The following NDRG3 variants were observed in gnomAD, a reference collection of about 807,000 sequenced individuals.
NDRG3 encodes NDRG family member 3.
Under a neutral mutation model 57.2 loss-of-function variants are expected in NDRG3, and 23 were observed. The ratio of observed to expected loss-of-function variants is 0.40; its 90% CI spans 0.29 to 0.57. NDRG3 has a LOEUF of 0.57. Ranked by LOEUF, NDRG3 falls within the 20% of genes least tolerant of loss-of-function variation. The pLI is 0.42. For synonymous variants in NDRG3, 132 were observed against 162.6 expected (o/e 0.81, Z 1.43); for missense variants, 384 against 457.3 (o/e 0.84, Z 1.46).
intron 13 of NDRG3, among the ~76,000 whole-genome samples, chr20:36,658,961 T>G (rs1021693682): frequency 1.1e-4 from 16 of 151,848 alleles, no homozygotes; most frequent in African/African-American, 3.1e-4. Flanking sequence ...GAAGTTTTTT[T>G]TTTTTTTTTT....
intron 15 of NDRG3, among the ~76,000 whole-genome samples, chr20:36,656,132 CAAAA>C (rs1180409064): frequency 3.2e-4 from 16 of 49,246 alleles, no homozygotes; most frequent in East Asian, 2.5e-3. Flanking sequence ...GACTCTGTCT[CAAAA>C]AAAAAAAAAA....
chr20:36,690,468 G>A (rs556927397), intron 3 of NDRG3, among the ~76,000 whole-genome samples: 2 of 137,506 alleles, frequency 1.5e-5, no homozygotes, highest in South Asian at 2.5e-4. Flanking sequence ...AAGATGCACC[G>A]AGCAAAGCTC....
chr20:36,670,006 A>T (rs1394597164), intron 9 of NDRG3, among the ~76,000 whole-genome samples: 1 of 152,240 alleles, frequency 6.6e-6, no homozygotes, highest in East Asian at 1.9e-4. Context: ...CAGTATGTTA[A>T]GCAAAAGAAG....
chr20:36,658,490 T>G (rs1978875808), intron 13 of NDRG3, among the ~76,000 whole-genome samples: 1 of 152,218 alleles, frequency 6.6e-6, no homozygotes, highest in Non-Finnish European at 1.5e-5. Flanking sequence ...CTCAGAGCAT[T>G]AACTTCACAT....
intron 13 of NDRG3, among the ~76,000 whole-genome samples, chr20:36,657,258 C>T (rs1555795344): frequency 1.3e-5 from 2 of 151,736 alleles, no homozygotes; most frequent in Non-Finnish European, 2.9e-5. Flanking sequence ...AGGCCGAGGT[C>T]GGGGGGATCA....
At chr20:36,743,742 T>C (rs1250229957) in intron 1 of NDRG3, among the ~76,000 whole-genome samples, 15 of 136,414 alleles carry the variant, frequency 1.1e-4, no homozygotes, top group Admixed American at 1.0e-3. Context: ...GGCGTGAATC[T>C]GGGAGGCGGA....
intron 9 of NDRG3, among the ~76,000 whole-genome samples, chr20:36,668,825 C>A (rs1291979795): frequency 6.6e-6 from 1 of 150,594 alleles, no homozygotes; most frequent in African/African-American, 2.4e-5. Flanking sequence ...GTATATATAG[C>A]GAGAGAAATA....
At chr20:36,729,187 G>A (rs1391705678) in intron 1 of NDRG3, among the ~76,000 whole-genome samples, 1 of 152,136 alleles carries the variant, frequency 6.6e-6, no homozygotes, top group Non-Finnish European at 1.5e-5. Flanking sequence ...ACATACCAAC[G>A]ACTCAGACAC....
intron 3 of NDRG3, among the ~76,000 whole-genome samples, chr20:36,706,191 G>A (rs1379256678): frequency 6.6e-6 from 1 of 152,210 alleles, no homozygotes; most frequent in East Asian, 1.9e-4. Context: ...ACACTAATGA[G>A]TCAAGTTGAA....
Position 36,666,360 on chromosome 20 carries a change from T to G in NDRG3, c.621A>C (p.Gln207His), listed in dbSNP as rs148793433. The G allele has an allele frequency of 6.2e-7, 1 of 1,614,012 alleles. No homozygotes were observed. Among genetic ancestry groups the G allele is most frequent in the African/African-American group, 1.3e-5 (1 of 74,926 alleles). The change falls in exon 10 of 16, where the codon CAA (glutamine) becomes CAC (histidine). Residue 207 changes from glutamine (Q) to histidine (H), a missense_variant. Transcript: ENST00000349004. ...EELQANLDLI[Q>H]TYRMHIAQDI... Reference sequence around the variant, plus strand: ...CTTGGGCAATATGCATTCTGTAGGTTTGGATCAGGTCCAGGTTGGCCTGTA... The same window carrying G: ...CTTGGGCAATATGCATTCTGTAGGTGTGGATCAGGTCCAGGTTGGCCTGTA...
intron 13 of NDRG3, among the ~76,000 whole-genome samples, chr20:36,658,749 G>A (rs1286794705): frequency 2.0e-5 from 3 of 152,058 alleles, no homozygotes; most frequent in African/African-American, 7.2e-5. Flanking sequence ...CTCTTGCCTC[G>A]GTTATACTCA....
chr20:36,684,536 C>T (rs369610840), intron 5 of NDRG3, 61 bp from the exon 6 acceptor site: 31 of 1,450,926 alleles, frequency 2.1e-5, no homozygotes, highest in Non-Finnish European at 2.8e-5. Context: ...GTTGCTAGAA[C>T]AGCTGGAAAG....
chr20:36,679,888 G>A (rs985332828), intron 8 of NDRG3, among the ~76,000 whole-genome samples: 2 of 149,980 alleles, frequency 1.3e-5, no homozygotes, highest in Non-Finnish European at 1.5e-5. Flanking sequence ...GCAATGGCAC[G>A]ATCTTAGCTC....
chr20:36,660,367 G>A lies in NDRG3; in HGVS notation c.828C>T (p.Arg276=), dbSNP rs752437827. ...GCAAAGTTGTATTTATAGGGTTCAGGCGGGAATTGCATTCGACCTAAAATT... is the reference window on the plus strand; with the variant it reads ...GCAAAGTTGTATTTATAGGGTTCAGACGGGAATTGCATTCGACCTAAAATT... The part of the protein sequence containing the change: ...AVEAVVECNS[R]LNPINTTLLK... Residue 276 remains arginine (R), a synonymous_variant, in exon 13 of 16, where the codon CGC becomes CGT. Coordinates refer to ENST00000349004, the MANE Select transcript of NDRG3 (RefSeq NM_032013.4). The A allele has an allele frequency of 4.4e-6, 7 of 1,608,900 alleles. No homozygotes were observed. The Admixed American group carries it at 1.0e-4, about 23-fold the overall frequency.
At chr20:36,682,894 C>T (rs1282206581) in intron 6 of NDRG3, among the ~76,000 whole-genome samples, 14 of 150,900 alleles carry the variant, frequency 9.3e-5, no homozygotes, top group East Asian at 7.8e-4. Flanking sequence ...GGTGAAACCC[C>T]GTCTCTACTA....
intron 9 of NDRG3, among the ~76,000 whole-genome samples, chr20:36,670,824 T>G: frequency 6.6e-6 from 1 of 152,156 alleles, no homozygotes; most frequent in Non-Finnish European, 1.5e-5. Flanking sequence ...CACTTTTCCC[T>G]TTGAAGAAGA....
At chr20:36,737,370 G>GT (rs1210209927) in intron 1 of NDRG3, among the ~76,000 whole-genome samples, 1 of 152,128 alleles carries the variant, frequency 6.6e-6, no homozygotes, top group East Asian at 1.9e-4. Flanking sequence ...CCTGCCAGCT[G>GT]TAAGGCGGAA....
At chr20:36,694,685 T>A (rs1982623860) in intron 3 of NDRG3, among the ~76,000 whole-genome samples, 1 of 152,214 alleles carries the variant, frequency 6.6e-6, no homozygotes, top group Non-Finnish European at 1.5e-5. Context: ...ATATACAACA[T>A]CTCTACACAG....
chr20:36,678,888 C>T (rs1980993705), intron 8 of NDRG3, among the ~76,000 whole-genome samples: 1 of 152,226 alleles, frequency 6.6e-6, no homozygotes, highest in Non-Finnish European at 1.5e-5. Context: ...GCAACTGAAA[C>T]TTTCACGCAC....
Sources: allele counts gnomAD v4.1 joint callset (sites outside exome capture counted in the v4.1 genomes callset), GRCh38; gene constraint gnomAD v4.1.1; transcripts MANE v1.5; gene names NCBI Gene and HGNC (gene_info 2026-07-23, HGNC 2026-07-21).